Variants in PSMC3 observed in about 807,000 individuals in gnomAD.
PSMC3 encodes the protein 26S proteasome regulatory subunit 6A.
A neutral mutation model predicts 52.0 loss-of-function variants in PSMC3; 11 were observed. That is an observed-to-expected ratio of 0.21 (90% CI 0.13 to 0.35). The LOEUF is 0.35. Among genes scored for constraint, PSMC3 ranks in the 10% least tolerant of loss-of-function variants. The pLI, the probability that PSMC3 is intolerant of heterozygous loss-of-function variation, is 1.00. For missense variants in PSMC3, 238 were observed against 567.1 expected, an observed-to-expected ratio of 0.42 and a Z score of 5.89; for synonymous variants, 201 against 218.8, an observed-to-expected ratio of 0.92 and a Z score of 0.72.
intron 6 of PSMC3, 91 bp downstream of exon 6, chr11:47,423,955 T>C: frequency 2.6e-6 from 4 of 1,568,448 alleles, no homozygotes; most frequent in Non-Finnish European, 3.5e-6. Flanking sequence ...GCTATGAGGA[T>C]GAAAGACACA....
chr11:47,420,423 G>A lies in PSMC3; in HGVS notation c.982-14C>T, dbSNP rs541176386. ...GGCTGCAATTACCTGAGGAAGAGAA[G>A]CCACAACTTGAAAGGAGCAAGGTGT... On this transcript the variant is annotated splice_polypyrimidine_tract_variant and intron_variant, in intron 9 of 11. Transcript: ENST00000298852. 7.5e-6 allele frequency: 12 copies of A among 1,606,528 alleles called. No homozygotes were observed. Among genetic ancestry groups the A allele is most frequent in the African/African-American group, 6.7e-5 (5 of 74,898 alleles).
At chr11:47,426,118 T>G in intron 1 of PSMC3, 87 bp downstream of exon 1, 1 of 1,481,896 alleles carries the variant, frequency 6.7e-7, no homozygotes. Flanking sequence ...GGGCCAGACC[T>G]TGACCCCCAG....
intron 1 of PSMC3, 38 bp from the exon 2 acceptor site, chr11:47,425,988 T>C (rs1218771826): frequency 6.4e-7 from 1 of 1,574,248 alleles, no homozygotes; most frequent in Non-Finnish European, 8.7e-7. Context: ...TATTTACTTT[T>C]ACTCAGGACA....
Position 47,422,881 on chromosome 11 carries a change from G to A in PSMC3, c.684C>T (p.Pro228=). The A allele has an allele frequency of 1.2e-6, 2 of 1,613,770 alleles. No homozygotes were observed. The stretch of plus-strand genomic sequence containing the variant: ...CCAGGAGGGTCTTCCCCGTCCCTGG[G>A]GGCCCATACATCAGCACCCCTTTTG... ...QPPKGVLMYG[P]PGTGKTLLAR... The change falls in exon 7 of 12, where the codon CCC becomes CCT. Residue 228 remains proline (P), a synonymous_variant. Transcript: ENST00000298852. The surrounding 1 kb of genome is among the most constrained non-coding windows in gnomAD (Gnocchi z 4.3).
chr11:47,420,506 G>GTTAA, intron 9 of PSMC3, 97 bp from the exon 10 acceptor site: 2 of 1,529,232 alleles, frequency 1.3e-6, no homozygotes, highest in South Asian at 2.4e-5. Flanking sequence ...GAGTGCAGGT[G>GTTAA]AGACACATGG....
Position 47,422,806 on chromosome 11 carries a change from CCGCATCCCTCCCAAAGTACTCACCTTAGT to C in PSMC3, c.730_735+23del. 6.2e-7 allele frequency: 1 copy of C among 1,602,714 alleles called. No individual in the cohort carries two copies. The highest frequency in any genetic ancestry group is 2.2e-5 in the East Asian group (1 of 44,620). ...GAGTTTCTGCTCCTGCCCACTTCCCCCGCATCCCTCCCAAAGTACTCACCTTAGTCTGTGCGGCACAGGCCCGGGCCAGG... is the reference window on the plus strand; with the variant it reads ...GAGTTTCTGCTCCTGCCCACTTCCCCCTGTGCGGCACAGGCCCGGGCCAGG... On this transcript the variant is annotated splice_donor_variant and splice_donor_5th_base_variant and coding_sequence_variant and intron_variant, in exon 7 of 12. Coordinates refer to ENST00000298852, the MANE Select transcript of PSMC3 (RefSeq NM_002804.5). LOFTEE classifies it high-confidence loss of function. This position sits in a 1 kb window ranked among gnomAD's most constrained non-coding sequence, Gnocchi z 4.3.
At chr11:47,425,841 C>A (rs200093703) in intron 2 of PSMC3, 26 bp downstream of exon 2, 92 of 1,599,774 alleles carry the variant, frequency 5.8e-5, no homozygotes, top group Non-Finnish European at 1.1e-5. Context: ...GGGGCTCCAT[C>A]GCCCGCACAG....
intron 10 of PSMC3, among the ~76,000 whole-genome samples, chr11:47,419,961 T>C (rs2096038381): frequency 1.3e-5 from 2 of 151,964 alleles, no homozygotes; most frequent in South Asian, 4.1e-4. Flanking sequence ...CGGCCATTCC[T>C]GGCGTGTGTT....
Position 47,422,548 on chromosome 11 carries a change from G to C in PSMC3, c.884+26C>G. The C allele has an allele frequency of 6.2e-7, 1 of 1,612,886 alleles. No individual in the cohort carries two copies. The highest frequency in any genetic ancestry group is 8.5e-7 in the Non-Finnish European group (1 of 1,179,258). On this transcript the variant is annotated intron_variant, in intron 8 of 11. Transcript: ENST00000298852. The surrounding 1 kb of genome is among the most constrained non-coding windows in gnomAD (Gnocchi z 4.3). ...GCTTCCCCTTACCGCCACAGAGATCGCTAGGGACCCTTGGCCCTCCCTTAC... is the reference window on the plus strand; with the variant it reads ...GCTTCCCCTTACCGCCACAGAGATCCCTAGGGACCCTTGGCCCTCCCTTAC...
At chr11:47,420,043 T>A (rs1006524705) in intron 10 of PSMC3, among the ~76,000 whole-genome samples, 5 of 152,014 alleles carry the variant, frequency 3.3e-5, no homozygotes, top group African/African-American at 1.2e-4. Flanking sequence ...GGGTGGAGTC[T>A]AAGGAGCAGA....
chr11:47,423,256 C>T (rs559363341), intron 6 of PSMC3, among the ~76,000 whole-genome samples: 21 of 152,084 alleles, frequency 1.4e-4, no homozygotes, highest in East Asian at 3.9e-4. Context: ...AAACATTAGC[C>T]GGGCGGGGTG....
chr11:47,424,753 C>T lies in PSMC3; in HGVS notation c.286-42G>A, dbSNP rs756100714. On this transcript the variant is annotated intron_variant, in intron 3 of 11. Coordinates refer to ENST00000298852, the MANE Select transcript of PSMC3 (RefSeq NM_002804.5). The surrounding 1 kb of genome is among the most constrained non-coding windows in gnomAD (Gnocchi z 4.8). ...ACTCAGCTCCTTGAACTCCCCAAGG[C>T]CCAGTGCTTCCTAAGACAGTTCCTA... is the stretch of plus-strand genomic sequence containing the variant. The T allele has an allele frequency of 8.1e-6, 12 of 1,479,602 alleles. No homozygotes were observed. In the Admixed American group the frequency reaches 2.0e-4, roughly 25 times the overall value. 91.7% of individuals were successfully genotyped at this position (1,479,602 alleles called of 1,614,324 possible). A position where few individuals can be genotyped will look rare whatever the true frequency, so the allele number is the denominator to read the frequency against.
At position 47,422,444 on chromosome 11, in the gene PSMC3, T is replaced by C. The variant is rs2096041711; in HGVS notation, c.884+130A>G. On this transcript the variant is annotated intron_variant, in intron 8 of 11. Transcript: ENST00000298852. This position sits in a 1 kb window ranked among gnomAD's most constrained non-coding sequence, Gnocchi z 4.3. The stretch of plus-strand genomic sequence containing the variant: ...GAGTTAGGAATTGGAATCTCAAGAG[T>C]TGAGGAGCCACCATCCAGGGGCAGG... 8.9e-7 allele frequency: 1 copy of C among 1,124,980 alleles called. No homozygotes were observed. The allele number at this position is 1,124,980 out of a possible 1,614,324, so 69.7% of individuals were successfully genotyped here. A position where few individuals can be genotyped will look rare whatever the true frequency, so the allele number is the denominator to read the frequency against.
Position 47,424,359 on chromosome 11 carries a change from T to A in PSMC3, c.453+70A>T, listed in dbSNP as rs1565676554. Reference sequence around the variant, plus strand: ...TTCTGCCAAGATTCAGAGCCAACAGTGACCTGGGGCGGGTACAGGGGCTCA... The same window carrying A: ...TTCTGCCAAGATTCAGAGCCAACAGAGACCTGGGGCGGGTACAGGGGCTCA... On this transcript the variant is annotated intron_variant, in intron 5 of 11. Coordinates refer to ENST00000298852, the MANE Select transcript of PSMC3 (RefSeq NM_002804.5). This position sits in a 1 kb window ranked among gnomAD's most constrained non-coding sequence, Gnocchi z 4.8. 1 of 1,576,780 alleles carries A rather than the reference T, an allele frequency of 6.3e-7. No homozygotes were observed.
intron 6 of PSMC3, among the ~76,000 whole-genome samples, chr11:47,423,497 G>A (rs550685223): frequency 6.6e-6 from 1 of 151,784 alleles, no homozygotes; most frequent in Non-Finnish European, 1.5e-5. Flanking sequence ...AAAAGACACC[G>A]GGCCAGGGGC....
chr11:47,423,976 G>A (rs1488836936), intron 6 of PSMC3, 70 bp downstream of exon 6: 1 of 1,603,894 alleles, frequency 6.2e-7, no homozygotes, highest in Admixed American at 1.7e-5. Context: ...TTAGGGAGAT[G>A]AGCTGCATCA....
Position 47,424,752 on chromosome 11 carries a change from G to T in PSMC3, c.286-41C>A. 2 of 1,496,204 alleles carry T rather than the reference G, an allele frequency of 1.3e-6. No individual in the cohort carries two copies. Among genetic ancestry groups the T allele is most frequent in the Non-Finnish European group, 1.9e-6 (2 of 1,072,832 alleles). The allele number at this position is 1,496,204 out of a possible 1,614,324, so 92.7% of individuals were successfully genotyped here. A position where few individuals can be genotyped will look rare whatever the true frequency, so the allele number is the denominator to read the frequency against. On this transcript the variant is annotated intron_variant, in intron 3 of 11. Coordinates refer to ENST00000298852, the MANE Select transcript of PSMC3 (RefSeq NM_002804.5). The surrounding 1 kb of genome is among the most constrained non-coding windows in gnomAD (Gnocchi z 4.8). Reference sequence around the variant, plus strand: ...TACTCAGCTCCTTGAACTCCCCAAGGCCCAGTGCTTCCTAAGACAGTTCCT... The same window carrying T: ...TACTCAGCTCCTTGAACTCCCCAAGTCCCAGTGCTTCCTAAGACAGTTCCT...
Position 47,422,742 on chromosome 11 carries a change from G to C in PSMC3, c.736-20C>G, listed in dbSNP as rs1410599091. 1 of 1,613,932 alleles carries C rather than the reference G, an allele frequency of 6.2e-7. No homozygotes were observed. Among genetic ancestry groups the C allele is most frequent in the African/African-American group, 1.3e-5 (1 of 74,930 alleles). Reference sequence around the variant, plus strand: ...GGTGGCCTGGCAGGAAAAGGTGGTAGAGTCAGGTCAAAGGCAGACCCTTTG... The same window carrying C: ...GGTGGCCTGGCAGGAAAAGGTGGTACAGTCAGGTCAAAGGCAGACCCTTTG... On this transcript the variant is annotated intron_variant, in intron 7 of 11. Transcript: ENST00000298852. The surrounding 1 kb of genome is among the most constrained non-coding windows in gnomAD (Gnocchi z 4.3).
intron 2 of PSMC3, 180 bp from the exon 3 acceptor site, chr11:47,425,426 C>T: frequency 1.4e-6 from 1 of 721,642 alleles, no homozygotes; most frequent in Non-Finnish European, 2.2e-6. Flanking sequence ...AAAGAGGAGG[C>T]CAGTTTGGAA....
Sources: gnomAD v4.1 joint callset for allele counts (sites outside exome capture counted in the v4.1 genomes callset) on GRCh38, gnomAD v4.1.1 for gene constraint, Gnocchi (gnomAD v3.1) non-coding constraint, MANE v1.5 for transcripts, NCBI Gene and HGNC (gene_info 2026-07-23, HGNC 2026-07-21) for gene names.